The following ADAM32 variants were observed in gnomAD, a reference collection of about 807,000 sequenced individuals.
The protein encoded by ADAM32 is ADAM metallopeptidase domain 32.
A neutral mutation model predicts 114.9 loss-of-function variants in ADAM32; 89 were observed. The ratio of observed to expected loss-of-function variants is 0.77; its 90% CI spans 0.65 to 0.92. The LOEUF (loss-of-function observed/expected upper bound fraction) is 0.92. ADAM32 is among the 40% of genes least tolerant of loss of function. The pLI is 0.00. For synonymous variants in ADAM32, 285 were observed against 307.5 expected (o/e 0.93, Z 0.77); for missense variants, 870 against 932.8 (o/e 0.93, Z 0.88).
In ADAM32 at chr8:39,268,482, A is replaced by T. The variant is rs539834589; in HGVS notation, c.2163-2394A>T. Among the ~76,000 whole-genome samples the T allele has an allele frequency of 1.8e-4, 28 of 152,208 alleles. No homozygotes were observed. In the East Asian group the frequency reaches 4.4e-3, roughly 24 times the overall value. On this transcript the variant is annotated intron_variant, in intron 19 of 24. Coordinates refer to ENST00000379907, the MANE Select transcript of ADAM32 (RefSeq NM_145004.7). ...TTTGAAATGGGTTTGTTGTATTTCGAGTGTTCTGAATATAAGTCCATCATT... is the reference window on the plus strand; with the variant it reads ...TTTGAAATGGGTTTGTTGTATTTCGTGTGTTCTGAATATAAGTCCATCATT...
At chr8:39,129,664 A>G (rs959110063) in intron 2 of ADAM32, among the ~76,000 whole-genome samples, 5 of 152,186 alleles carry the variant, frequency 3.3e-5, no homozygotes, top group African/African-American at 1.2e-4. Flanking sequence ...GTATAATTGT[A>G]TAACCACCAT....
chr8:39,202,111 G>T (rs1001931962), intron 11 of ADAM32, among the ~76,000 whole-genome samples: 7 of 152,160 alleles, frequency 4.6e-5, no homozygotes, highest in African/African-American at 1.7e-4. Flanking sequence ...ATCTCTGCCA[G>T]GCTTTGGTAT....
chr8:39,235,807 T>C (rs7844092), intron 16 of ADAM32, among the ~76,000 whole-genome samples: 5,804 of 152,228 alleles, frequency 0.038, 386 homozygotes, highest in African/African-American at 0.13. Flanking sequence ...ATCATCATGG[T>C]CAAGGACCAG....
intron 10 of ADAM32, 69 bp from the exon 11 acceptor site, chr8:39,186,840 T>G: frequency 1.6e-6 from 2 of 1,278,096 alleles, no homozygotes; most frequent in East Asian, 2.4e-5. Flanking sequence ...ATATTCATAA[T>G]TAGAAAATTA....
chr8:39,187,057 CAATT>C lies in ADAM32; in HGVS notation c.1052+13_1052+16del, dbSNP rs1256605480. On this transcript the variant is annotated intron_variant, in intron 11 of 24. Transcript: ENST00000379907. ...AATCCAGAAGTTGTGTAAGTTTTAA[CAATT>C]TATTTATTGCTTATGTTTATTTCAT... 3 of 1,588,758 alleles carry C rather than the reference CAATT, an allele frequency of 1.9e-6. No homozygotes were observed. The highest frequency in any genetic ancestry group is 2.7e-5 in the African/African-American group (2 of 73,836).
At chr8:39,211,030 T>A in intron 11 of ADAM32, 114 bp from the exon 12 acceptor site, 1 of 950,188 alleles carries the variant, frequency 1.1e-6, no homozygotes. Flanking sequence ...TAAGCACTTA[T>A]TATAAACATT....
At chr8:39,216,553 G>C (rs950334488) in intron 12 of ADAM32, among the ~76,000 whole-genome samples, 1 of 148,838 alleles carries the variant, frequency 6.7e-6, no homozygotes, top group African/African-American at 2.5e-5. Context: ...TTTAGTAAAG[G>C]TGATTTTCCT....
intron 2 of ADAM32, among the ~76,000 whole-genome samples, chr8:39,125,046 A>G (rs6474109): frequency 0.28 from 43,281 of 151,938 alleles, 6,190 homozygotes; most frequent in Middle Eastern, 0.34. Flanking sequence ...CATTCTAACT[A>G]GTGTAAGATA....
At chr8:39,180,174 G>A (rs1360201091) in intron 10 of ADAM32, among the ~76,000 whole-genome samples, 4 of 152,212 alleles carry the variant, frequency 2.6e-5, no homozygotes, top group East Asian at 1.9e-4. Flanking sequence ...CTGGAGTTCC[G>A]GGTGGGCGTG....
intron 11 of ADAM32, among the ~76,000 whole-genome samples, chr8:39,195,858 T>C (rs1806948273): frequency 6.6e-6 from 1 of 152,222 alleles, no homozygotes; most frequent in Non-Finnish European, 1.5e-5. Context: ...TTTAGGATTG[T>C]TTTTTCTACT....
chr8:39,206,896 T>C (rs960844349), intron 11 of ADAM32, among the ~76,000 whole-genome samples: 6 of 151,850 alleles, frequency 4.0e-5, no homozygotes, highest in African/African-American at 1.2e-4. Context: ...TATAGTGCTG[T>C]GTCAGCTTGG....
chr8:39,164,901 T>C, intron 8 of ADAM32, 66 bp downstream of exon 8: 1 of 1,527,966 alleles, frequency 6.5e-7, no homozygotes, highest in Non-Finnish European at 9.0e-7. Context: ...CTAAACTTGA[T>C]GCGGTATTCC....
chr8:39,108,736 C>CT (rs773265883), intron 1 of ADAM32, among the ~76,000 whole-genome samples: 9 of 152,132 alleles, frequency 5.9e-5, no homozygotes, highest in Non-Finnish European at 2.9e-5. Flanking sequence ...AGAACTCTTC[C>CT]TACTCTTCTT....
At chr8:39,125,063 G>C (rs572474598) in intron 2 of ADAM32, among the ~76,000 whole-genome samples, 1 of 152,200 alleles carries the variant, frequency 6.6e-6, no homozygotes, top group South Asian at 2.1e-4. Context: ...GATAGTATCT[G>C]ATTGTGGTTT....
chr8:39,227,965 T>G (rs932204488), intron 14 of ADAM32, among the ~76,000 whole-genome samples: 1 of 152,206 alleles, frequency 6.6e-6, no homozygotes, highest in Admixed American at 6.5e-5. Context: ...GTCGCTGGTA[T>G]CCATGGCTGA....
intron 17 of ADAM32, among the ~76,000 whole-genome samples, chr8:39,249,223 G>T (rs1248707833): frequency 6.6e-6 from 1 of 151,938 alleles, no homozygotes; most frequent in Non-Finnish European, 1.5e-5. Context: ...GCTTTTTAAT[G>T]TTAAATGCTT....
chr8:39,195,934 T>C (rs1374468491), intron 11 of ADAM32, among the ~76,000 whole-genome samples: 5 of 152,208 alleles, frequency 3.3e-5, no homozygotes. Flanking sequence ...CTTTGGGTGG[T>C]ATGATCATGA....
intron 14 of ADAM32, among the ~76,000 whole-genome samples, chr8:39,227,660 C>T (rs924921224): frequency 4.6e-5 from 7 of 152,168 alleles, no homozygotes; most frequent in African/African-American, 1.7e-4. Flanking sequence ...CCACCCCACA[C>T]AGCAGCCACA....
chr8:39,117,924 A>G (rs1840443857), intron 1 of ADAM32, among the ~76,000 whole-genome samples, 162 bp from the exon 2 acceptor site: 1 of 152,084 alleles, frequency 6.6e-6, no homozygotes, highest in Non-Finnish European at 1.5e-5. Context: ...TTTCATAAGT[A>G]TCTTGTCTGT....
Sources: gnomAD v4.1 joint callset for allele counts (sites outside exome capture counted in the v4.1 genomes callset) on GRCh38, gnomAD v4.1.1 for gene constraint, MANE v1.5 for transcripts, NCBI Gene and HGNC (gene_info 2026-07-23, HGNC 2026-07-21) for gene names.